Variants in ZFHX2 observed in about 807,000 individuals in gnomAD.
The protein encoded by ZFHX2 is zinc finger homeobox 2, also known as zinc finger homeobox protein 2.
In ZFHX2, 75 loss-of-function variants were observed where a neutral mutation model predicts 164.8. That is an observed-to-expected ratio of 0.46 (90% CI 0.38 to 0.55). ZFHX2 has a LOEUF of 0.55. ZFHX2 is among the 20% of genes least tolerant of loss of function. The pLI, the probability that ZFHX2 is intolerant of heterozygous loss-of-function variation, is 0.00. For synonymous variants in ZFHX2, 1,217 were observed against 1,351.4 expected (o/e 0.90, Z 2.18); for missense variants, 2,933 against 3,308.0 (o/e 0.89, Z 2.78).
In ZFHX2 at chr14:23,523,084, T is replaced by G. The variant is rs1878245982; in HGVS notation, c.6739+119A>C. On this transcript the variant is annotated intron_variant, in intron 9 of 9. Transcript: ENST00000419474. The surrounding 1 kb of genome is among the most constrained non-coding windows in gnomAD (Gnocchi z 4.1). ...CCCTCCCTTCTTTCCCCCAAGAGCC[T>G]GATGCAAAGGAAGGCCACAGGAGAT... 4 of 1,400,684 alleles carry G rather than the reference T, an allele frequency of 2.9e-6. No homozygotes were observed. The highest frequency in any genetic ancestry group is 3.7e-6 in the Non-Finnish European group (4 of 1,082,294). The allele number at this position is 1,400,684 out of a possible 1,614,324, so 86.8% of individuals were successfully genotyped here.
chr14:23,526,469 C>A lies in ZFHX2; in HGVS notation c.3473G>T (p.Arg1158Leu). Reference sequence around the variant, plus strand: ...GTCAGCTGGAGCTGGCTCTGCAGAGCGGAGCTCCCCAGTGGTCCCCTCTTC... The same window carrying A: ...GTCAGCTGGAGCTGGCTCTGCAGAGAGGAGCTCCCCAGTGGTCCCCTCTTC... ...EEEEGTTGEL[R>L]SAEPAPADSR... The change falls in exon 9 of 10, where the codon CGC (arginine) becomes CTC (leucine). Residue 1158 changes from arginine to leucine, a missense_variant. Arg to Leu is a moderately radical substitution (Grantham distance 102). Coordinates refer to ENST00000419474, the MANE Select transcript of ZFHX2 (RefSeq NM_033400.3). 1 of 1,536,034 alleles carries A rather than the reference C, an allele frequency of 6.5e-7. No individual in the cohort carries two copies. The highest frequency in any genetic ancestry group is 8.7e-7 in the Non-Finnish European group (1 of 1,146,846).
Position 23,521,989 on chromosome 14 carries a change from C to A in ZFHX2, c.7692G>T (p.Thr2564=). 1 of 1,536,308 alleles carries A rather than the reference C, an allele frequency of 6.5e-7. No homozygotes were observed. Among genetic ancestry groups the A allele is most frequent in the Non-Finnish European group, 8.7e-7 (1 of 1,146,892 alleles). The change falls in exon 10 of 10, where the codon ACG becomes ACT. Residue 2564 remains threonine, a synonymous_variant. Transcript: ENST00000419474. ...LPHTDSNPKT[T]TTSTLLAL ...ATAAAGCTAGAAGTGTAGAGGTAGTCGTAGTTTTTGGGTTGGAGTCCGTGT... is the reference window on the plus strand; with the variant it reads ...ATAAAGCTAGAAGTGTAGAGGTAGTAGTAGTTTTTGGGTTGGAGTCCGTGT...
rs919243313 is a variant in ZFHX2, at chr14:23,521,856, G to A, written c.*106C>T. The A allele has an allele frequency of 5.4e-6, 8 of 1,484,430 alleles. No homozygotes were observed. In the Admixed American group the frequency reaches 1.8e-4, roughly 33 times the overall value. The allele number at this position is 1,484,430 out of a possible 1,614,324, so 92.0% of individuals were successfully genotyped here. ...GAACTGAACAGTTCCTGTGAGGTGG[G>A]CGGGGCCAGGGGGTGGGGTGAGGGA... On this transcript the variant is annotated 3_prime_UTR_variant, in exon 10 of 10. Transcript: ENST00000419474.
intron 4 of ZFHX2, 99 bp downstream of exon 4, chr14:23,531,382 C>A: frequency 7.5e-7 from 1 of 1,329,302 alleles, no homozygotes; most frequent in South Asian, 2.2e-5. Context: ...TACAGGCCCT[C>A]TTCGCCTTCC....
chr14:23,530,111 A>G lies in ZFHX2; in HGVS notation c.2875+9T>C, dbSNP rs1595153413. 1 of 1,535,836 alleles carries G rather than the reference A, an allele frequency of 6.5e-7. No homozygotes were observed. The highest frequency in any genetic ancestry group is 2.0e-5 in the Admixed American group (1 of 50,966). Reference sequence around the variant, plus strand: ...TAGGAGGACTGGGGGGAAGGGAGGGAAAACTCACCCAATTGTTCTGTCTTG... The same window carrying G: ...TAGGAGGACTGGGGGGAAGGGAGGGGAAACTCACCCAATTGTTCTGTCTTG... On this transcript the variant is annotated intron_variant, in intron 5 of 9. Coordinates refer to ENST00000419474, the MANE Select transcript of ZFHX2 (RefSeq NM_033400.3).
chr14:23,536,332 A>G (rs924121365), intron 1 of ZFHX2, among the ~76,000 whole-genome samples: 3 of 152,206 alleles, frequency 2.0e-5, no homozygotes, highest in African/African-American at 7.2e-5. Context: ...CAGATTTTCC[A>G]TACCCTGACG....
intron 4 of ZFHX2, chr14:23,530,748 C>T (rs1358459949): frequency 3.6e-6 from 1 of 280,210 alleles, no homozygotes; most frequent in Non-Finnish European, 6.9e-6. Flanking sequence ...GATCTGGGCC[C>T]CTCCGGCACT....
At chr14:23,544,741 C>T (rs1290517138) in intron 1 of ZFHX2, among the ~76,000 whole-genome samples, 3 of 152,202 alleles carry the variant, frequency 2.0e-5, no homozygotes, top group Non-Finnish European at 2.9e-5. Context: ...GCGCTAACCT[C>T]ATTTCACAGC....
intron 1 of ZFHX2, among the ~76,000 whole-genome samples, chr14:23,542,720 T>G (rs1294122709): frequency 6.6e-6 from 1 of 151,952 alleles, no homozygotes; most frequent in East Asian, 1.9e-4. Context: ...GAATTTGGTC[T>G]CCCAGAACTT....
At chr14:23,527,015 A>G in intron 7 of ZFHX2, 42 bp from the exon 8 acceptor site, 1 of 1,467,902 alleles carries the variant, frequency 6.8e-7, no homozygotes, top group South Asian at 1.4e-5. Flanking sequence ...ACCACCCCCC[A>G]CTGCCCCTAT....
intron 1 of ZFHX2, among the ~76,000 whole-genome samples, chr14:23,539,006 G>T (rs1044543575): frequency 6.6e-6 from 1 of 152,254 alleles, no homozygotes; most frequent in Non-Finnish European, 1.5e-5. Flanking sequence ...GGGAGGCCTG[G>T]AGCCAAGGGA....
chr14:23,541,147 C>T (rs1034099320), intron 1 of ZFHX2, among the ~76,000 whole-genome samples: 2 of 152,056 alleles, frequency 1.3e-5, no homozygotes, highest in African/African-American at 4.8e-5. Flanking sequence ...CTCAGGTGAT[C>T]CACCTGCCTT....
rs375506717 is a variant in ZFHX2 at position 23,525,660 on chromosome 14, G to T, written c.4282C>A (p.Pro1428Thr). 2.0e-6 allele frequency: 3 copies of T among 1,535,504 alleles called. No homozygotes were observed. The highest frequency in any genetic ancestry group is 1.4e-5 in the African/African-American group (1 of 73,042). Residue 1428 changes from proline to threonine, a missense_variant, in exon 9 of 10, where the codon CCC becomes ACC. By Grantham distance (38) the Pro-to-Thr change is conservative. Transcript: ENST00000419474. The surrounding 1 kb of genome is among the most constrained non-coding windows in gnomAD (Gnocchi z 5.9). ...GCAGCCTCGTTGGGCAATGGGTCGG[G>T]GGGTGAGGAAGGCCCTGCCTCATTA... ...EGNEAGPSSP[P>T]DPLPNEAART...
In ZFHX2 at chr14:23,531,697, C is replaced by T; in HGVS notation, c.2584G>A (p.Glu862Lys). Residue 862 changes from glutamate (E) to lysine (K), a missense_variant, in exon 4 of 10, where the codon GAG becomes AAG. By Grantham distance (56) the Glu-to-Lys change is moderately conservative (BLOSUM62 1). Coordinates refer to ENST00000419474, the MANE Select transcript of ZFHX2 (RefSeq NM_033400.3). Reference sequence around the variant, plus strand: ...TATAGCCCCAGCTCTGCCCCTGCCTCCGCTCCCTCCATGTCCAGCAGAAAC... The same window carrying T: ...TATAGCCCCAGCTCTGCCCCTGCCTTCGCTCCCTCCATGTCCAGCAGAAAC... ...YKFLLDMEGAEAGAELGLYHC... is the reference protein window; with the variant it reads ...YKFLLDMEGAKAGAELGLYHC... 7.3e-7 allele frequency: 1 copy of T among 1,378,452 alleles called. No individual in the cohort carries two copies. The highest frequency in any genetic ancestry group is 9.4e-7 in the Non-Finnish European group (1 of 1,060,692). 85.4% of individuals were successfully genotyped at this position (1,378,452 alleles called of 1,614,324 possible). A position where few individuals can be genotyped will look rare whatever the true frequency, so the allele number is the denominator to read the frequency against.
chr14:23,547,362 C>T (rs911107466), intron 1 of ZFHX2, among the ~76,000 whole-genome samples: 1 of 152,216 alleles, frequency 6.6e-6, no homozygotes, highest in African/African-American at 2.4e-5. Context: ...TGTATATATA[C>T]GGTTATGACC....
chr14:23,535,328 T>A lies in ZFHX2; in HGVS notation c.-3A>T. On this transcript the variant is annotated 5_prime_UTR_variant, in exon 2 of 10. Transcript: ENST00000419474. This position sits in a 1 kb window ranked among gnomAD's most constrained non-coding sequence, Gnocchi z 4.5. ...GAGGCTGAGTTAAGGGTGGCCATGG[T>A]AGACGGAGGAGTGCTGGGGGCTCAT... The A allele has an allele frequency of 6.9e-7, 1 of 1,451,758 alleles. No individual in the cohort carries two copies. Among genetic ancestry groups the A allele is most frequent in the Middle Eastern group, 1.8e-4 (1 of 5,442 alleles). The allele number at this position is 1,451,758 out of a possible 1,614,324, so 89.9% of individuals were successfully genotyped here.
chr14:23,531,208 G>T, intron 4 of ZFHX2: 2 of 338,268 alleles, frequency 5.9e-6, no homozygotes, highest in Non-Finnish European at 1.0e-5. Flanking sequence ...TCACTACTCA[G>T]AATCACTGGG....
rs1248250971 is a variant in ZFHX2, at chr14:23,551,187, C to T, written c.-50+156G>A. On this transcript the variant is annotated intron_variant, in intron 1 of 9. Coordinates refer to ENST00000419474, the MANE Select transcript of ZFHX2 (RefSeq NM_033400.3). This position sits in a 1 kb window ranked among gnomAD's most constrained non-coding sequence, Gnocchi z 5.3. ...TCTGTCCGTCCGTCCTTGTCCCCTC[C>T]CCCAGCCCCTTCCCGTCCCTCTCCG... Among the ~76,000 whole-genome samples, 1 of 152,068 alleles carries T rather than the reference C, an allele frequency of 6.6e-6. No homozygotes were observed. Among genetic ancestry groups the T allele is most frequent in the Non-Finnish European group, 1.5e-5 (1 of 68,008 alleles).
Position 23,526,828 on chromosome 14 carries a change from T to C in ZFHX2, c.3262+19A>G, listed in dbSNP as rs1566578052. The stretch of plus-strand genomic sequence containing the variant: ...CCCCTTTCCTGGTACCTTGGGAGGT[T>C]TGCTGTTCCATTCCTTACCTGCTGC... On this transcript the variant is annotated intron_variant, in intron 8 of 9. Transcript: ENST00000419474. 6.6e-7 allele frequency: 1 copy of C among 1,524,844 alleles called. No individual in the cohort carries two copies. The highest frequency in any genetic ancestry group is 2.4e-5 in the East Asian group (1 of 40,826). The allele number at this position is 1,524,844 out of a possible 1,614,324, so 94.5% of individuals were successfully genotyped here.
Sources: gnomAD v4.1 joint callset for allele counts (sites outside exome capture counted in the v4.1 genomes callset) on GRCh38, gnomAD v4.1.1 for gene constraint, Gnocchi (gnomAD v3.1) non-coding constraint, MANE v1.5 for transcripts, NCBI Gene and HGNC (gene_info 2026-07-23, HGNC 2026-07-21) for gene names.